The following MAST2 variants were observed in gnomAD, a reference collection of about 807,000 sequenced individuals.
MAST2 encodes microtubule-associated serine/threonine-protein kinase 2.
Under a neutral mutation model 147.4 loss-of-function variants are expected in MAST2, and 70 were observed. The ratio of observed to expected loss-of-function variants is 0.47; its 90% CI spans 0.39 to 0.58. The LOEUF (loss-of-function observed/expected upper bound fraction) is 0.58, where lower values mean the gene tolerates loss of function less well. Among genes scored for constraint, MAST2 ranks in the 20% least tolerant of loss-of-function variants. The probability of loss-of-function intolerance (pLI) is 0.00; values close to 1 mark genes in which losing one functional copy is unlikely to be tolerated. For synonymous variants in MAST2, 869 were observed against 896.8 expected (o/e 0.97, Z 0.55); for missense variants, 2,080 against 2,302.3 (o/e 0.90, Z 1.98).
intron 4 of MAST2, among the ~76,000 whole-genome samples, chr1:45,884,132 T>A (rs1412258977): frequency 6.6e-6 from 1 of 152,094 alleles, no homozygotes; most frequent in Non-Finnish European, 1.5e-5. Flanking sequence ...TATCTAAAGT[T>A]AGGCCTACTC....
At chr1:45,967,599 G>A (rs940654161) in intron 5 of MAST2, among the ~76,000 whole-genome samples, 6 of 152,220 alleles carry the variant, frequency 3.9e-5, no homozygotes, top group East Asian at 3.9e-4. Context: ...AAAGGTCTTC[G>A]CCTCATCATC....
At chr1:45,811,194 C>A (rs1644283520) in intron 1 of MAST2, among the ~76,000 whole-genome samples, 2 of 137,648 alleles carry the variant, frequency 1.5e-5, no homozygotes, top group Admixed American at 1.5e-4. Context: ...GAGACGAAGT[C>A]TCGCTCTTGT....
chr1:45,994,364 C>T lies in MAST2; in HGVS notation c.593-3360C>T, dbSNP rs1237218688. 2.8e-5 allele frequency among the ~76,000 whole-genome samples: 4 copies of T among 144,450 alleles called. No homozygotes were observed. In the East Asian group the frequency reaches 8.7e-4, roughly 31 times the overall value. 94.8% of individuals were successfully genotyped at this position (144,450 alleles called of 152,430 possible). A position where few individuals can be genotyped will look rare whatever the true frequency, so the allele number is the denominator to read the frequency against. The stretch of plus-strand genomic sequence containing the variant: ...GCAGTGGCATGATCTCGGCTCACTG[C>T]AACCTCCGCCTCCTAGGTTCTAAGC... On this transcript the variant is annotated intron_variant, in intron 5 of 28. Transcript: ENST00000361297.
Position 45,825,519 on chromosome 1 carries a change from A to G in MAST2, c.325+939A>G, listed in dbSNP as rs555949219. ...ATGATGTCTGCTCACTGCAACCTCT[A>G]CCTCCCAGGTTCAAGTGATTCTCCT... On this transcript the variant is annotated intron_variant, in intron 2 of 28. Coordinates refer to ENST00000361297, the MANE Select transcript of MAST2 (RefSeq NM_015112.3). 2.0e-4 allele frequency among the ~76,000 whole-genome samples: 29 copies of G among 148,340 alleles called. No individual in the cohort carries two copies. The South Asian group carries it at 6.2e-3, about 32-fold the overall frequency.
chr1:46,000,940 G>T, intron 6 of MAST2: 1 of 1,288,954 alleles, frequency 7.8e-7, no homozygotes, highest in Non-Finnish European at 1.0e-6. Context: ...TCACTATAAT[G>T]TGTATTTTTT....
At chr1:45,962,838 C>T (rs1345666262) in intron 5 of MAST2, among the ~76,000 whole-genome samples, 7 of 152,186 alleles carry the variant, frequency 4.6e-5, no homozygotes, top group African/African-American at 1.7e-4. Flanking sequence ...AGTCCTTGCT[C>T]ATGCCTATGT....
chr1:45,934,171 A>G (rs1304011688), intron 4 of MAST2, among the ~76,000 whole-genome samples: 6 of 152,048 alleles, frequency 3.9e-5, no homozygotes, highest in Non-Finnish European at 5.9e-5. Context: ...ACATGGAGTA[A>G]TTGGTTTTCT....
chr1:46,030,927 AC>A, intron 22 of MAST2, 79 bp from the exon 23 acceptor site: 4 of 1,530,042 alleles, frequency 2.6e-6, no homozygotes, highest in Non-Finnish European at 3.5e-6. Flanking sequence ...TGTTACTATA[AC>A]CCTTGTGTGC....
chr1:45,874,968 G>T (rs2148213268), intron 3 of MAST2, among the ~76,000 whole-genome samples: 1 of 152,286 alleles, frequency 6.6e-6, no homozygotes, highest in African/African-American at 2.4e-5. Flanking sequence ...AACAGTAAGT[G>T]TGAAGACCTG....
At chr1:45,814,340 T>C (rs1457321370) in intron 1 of MAST2, among the ~76,000 whole-genome samples, 4 of 152,180 alleles carry the variant, frequency 2.6e-5, no homozygotes, top group Admixed American at 2.6e-4. Flanking sequence ...TTATTGCCCC[T>C]GAATACCTTC....
rs529555131 is a variant in MAST2 at position 46,027,892 on chromosome 1, G to A, written c.2052+29G>A. ...AGGAAGGGTAGTTGATACACTGGGGGTTAAATTCTAGGCCCTTGTCCTGGC... is the reference window on the plus strand; with the variant it reads ...AGGAAGGGTAGTTGATACACTGGGGATTAAATTCTAGGCCCTTGTCCTGGC... On this transcript the variant is annotated intron_variant, in intron 17 of 28. Transcript: ENST00000361297. 2.5e-5 allele frequency: 41 copies of A among 1,612,532 alleles called. 1 individual carries two copies. The highest frequency in any genetic ancestry group is 1.5e-4 in the South Asian group (14 of 90,854).
At position 45,997,768 on chromosome 1, in the gene MAST2, C is replaced by T; in HGVS notation, c.637C>T (p.Pro213Ser). 1.2e-6 allele frequency: 2 copies of T among 1,614,166 alleles called. No individual in the cohort carries two copies. The highest frequency in any genetic ancestry group is 1.1e-5 in the South Asian group (1 of 91,078). ...CCCCCGGAATTTCTCTCCAAATGCA[C>T]CTGCTCACTTTTCTTTTGTTCCTGC... ...DSPRNFSPNA[P>S]AHFSFVPARR... The change falls in exon 6 of 29, where the codon CCT becomes TCT. Residue 213 changes from proline to serine, a missense_variant. This residue lies in a region of MAST2 where 569 missense variants were observed against 642.5 expected (regional missense o/e 0.89). Transcript: ENST00000361297.
At chr1:46,028,960 G>C (rs1233483695) in intron 18 of MAST2, 27 bp downstream of exon 18, 15 of 1,530,082 alleles carry the variant, frequency 9.8e-6, no homozygotes, top group Non-Finnish European at 1.2e-5. Flanking sequence ...TGGCCCAGTG[G>C]GGAAACAGAG....
chr1:45,839,341 G>A (rs1474298852), intron 3 of MAST2, among the ~76,000 whole-genome samples: 1 of 152,050 alleles, frequency 6.6e-6, no homozygotes, highest in Admixed American at 6.5e-5. Flanking sequence ...TGTTGGCCAG[G>A]CTGGTCTCAA....
intron 3 of MAST2, among the ~76,000 whole-genome samples, chr1:45,870,590 TAATATTGGGTATTAAGA>T (rs1313341100): frequency 2.0e-5 from 3 of 151,550 alleles, no homozygotes; most frequent in African/African-American, 7.3e-5. Flanking sequence ...TTTGTATTTC[TAATATTGGGTATTAAGA>T]CTCTTTTTTT....
At chr1:45,882,991 G>A (rs1278814085) in intron 4 of MAST2, among the ~76,000 whole-genome samples, 1 of 152,092 alleles carries the variant, frequency 6.6e-6, no homozygotes, top group Non-Finnish European at 1.5e-5. Context: ...TAGAAATTTG[G>A]CCAATCAGAA....
intron 3 of MAST2, among the ~76,000 whole-genome samples, chr1:45,834,552 T>C (rs1199993089): frequency 6.6e-6 from 1 of 152,148 alleles, no homozygotes; most frequent in African/African-American, 2.4e-5. Flanking sequence ...TTATTTATTA[T>C]ATGTTCTTAG....
At chr1:45,872,072 C>A (rs1044074579) in intron 3 of MAST2, among the ~76,000 whole-genome samples, 2 of 152,176 alleles carry the variant, frequency 1.3e-5, no homozygotes, top group Non-Finnish European at 2.9e-5. Context: ...GTCTCCAAAA[C>A]CCAATTCTCT....
At chr1:45,835,216 A>T (rs894826070) in intron 3 of MAST2, among the ~76,000 whole-genome samples, 1 of 152,092 alleles carries the variant, frequency 6.6e-6, no homozygotes, top group Admixed American at 6.5e-5. Flanking sequence ...AGTAGTATAT[A>T]TACTACATAC....
Sources: allele counts gnomAD v4.1 joint callset (sites outside exome capture counted in the v4.1 genomes callset), GRCh38; gene constraint gnomAD v4.1.1; regional missense constraint gnomAD v4.1.1; transcripts MANE v1.5; gene names NCBI Gene and HGNC (gene_info 2026-07-23, HGNC 2026-07-21).